The following ENOX1 variants were observed in gnomAD, a reference collection of about 807,000 sequenced individuals.
ENOX1 encodes ecto-NOX disulfide-thiol exchanger 1.
In ENOX1, 42 loss-of-function variants were observed where a neutral mutation model predicts 82.5. The observed-to-expected ratio is 0.51, with a 90% CI of 0.40 to 0.66. The LOEUF (loss-of-function observed/expected upper bound fraction) is 0.66. Among genes scored for constraint, ENOX1 ranks in the 30% least tolerant of loss-of-function variants. The pLI is 0.00. For missense variants in ENOX1, 608 were observed against 811.6 expected (o/e 0.75, Z 3.05); for synonymous variants, 271 against 282.2 (o/e 0.96, Z 0.40).
At chr13:43,716,383 A>G (rs535895205) in intron 1 of ENOX1, among the ~76,000 whole-genome samples, 1 of 152,204 alleles carries the variant, frequency 6.6e-6, no homozygotes, top group East Asian at 1.9e-4. Context: ...GGTGGCTCAG[A>G]TGGAAATGCA....
At chr13:43,441,676 G>C (rs1487831839) in intron 3 of ENOX1, among the ~76,000 whole-genome samples, 2 of 148,254 alleles carry the variant, frequency 1.3e-5, no homozygotes, top group South Asian at 2.1e-4. Flanking sequence ...GCGGCACTGC[G>C]GGTCTGCTGG....
chr13:43,465,711 T>C (rs1054805364), intron 3 of ENOX1, among the ~76,000 whole-genome samples: 2 of 152,200 alleles, frequency 1.3e-5, no homozygotes, highest in African/African-American at 4.8e-5. Context: ...TGTCTGTCCG[T>C]ATGCATATTT....
At chr13:43,493,762 T>TAATTA (rs1302202999) in intron 2 of ENOX1, among the ~76,000 whole-genome samples, 1 of 152,182 alleles carries the variant, frequency 6.6e-6, no homozygotes, top group Non-Finnish European at 1.5e-5. Context: ...GCTCAGTGCC[T>TAATTA]ACTGAAGCAC....
At chr13:43,726,532 A>T (rs1190819349) in intron 1 of ENOX1, among the ~76,000 whole-genome samples, 1 of 152,034 alleles carries the variant, frequency 6.6e-6, no homozygotes, top group Non-Finnish European at 1.5e-5. Context: ...TTTCAACTTT[A>T]ATCATTCATT....
chr13:43,546,966 C>G (rs1220985958), intron 2 of ENOX1: 1 of 152,226 alleles, frequency 6.6e-6, no homozygotes, highest in Non-Finnish European at 1.5e-5. Context: ...ATGGATAACG[C>G]AGGCAGGACT....
At chr13:43,287,531 A>G (rs1002379563) in intron 12 of ENOX1, among the ~76,000 whole-genome samples, 30 of 152,362 alleles carry the variant, frequency 2.0e-4, no homozygotes, top group African/African-American at 7.0e-4. Flanking sequence ...AAAGAAGTAC[A>G]GAAAACAAAC....
chr13:43,746,725 C>T (rs751942277), intron 1 of ENOX1, among the ~76,000 whole-genome samples: 9 of 151,644 alleles, frequency 5.9e-5, no homozygotes, highest in Non-Finnish European at 8.8e-5. Flanking sequence ...TAGTGGGTAA[C>T]GGTGAATAAA....
At chr13:43,566,722 A>C (rs1386204470) in intron 2 of ENOX1, among the ~76,000 whole-genome samples, 1 of 151,992 alleles carries the variant, frequency 6.6e-6, no homozygotes, top group East Asian at 1.9e-4. Flanking sequence ...GAGATGAATG[A>C]TTGTAAGATA....
intron 2 of ENOX1, among the ~76,000 whole-genome samples, chr13:43,610,388 G>A (rs1415775991): frequency 6.6e-6 from 1 of 152,104 alleles, no homozygotes; most frequent in East Asian, 1.9e-4. Context: ...GTCCAACTGA[G>A]ATTTGATCAT....
In ENOX1 at chr13:43,577,130, T is replaced by A. The variant is rs985234097; in HGVS notation, c.-219+90349A>T. 0.018 allele frequency among the ~76,000 whole-genome samples: 10 copies of A among 562 alleles called. No homozygotes were observed. The East Asian group carries it at 0.45, about 25-fold the overall frequency. The allele number at this position is 562 out of a possible 152,430, so 0.4% of individuals were successfully genotyped here. A position where few individuals can be genotyped will look rare whatever the true frequency, so the allele number is the denominator to read the frequency against. Reference sequence around the variant, plus strand: ...GTTCCTTTTAGAGTGATAAAAATATTTTTTTTTTTCTTTTTTTTTGAGACA... The same window carrying A: ...GTTCCTTTTAGAGTGATAAAAATATATTTTTTTTTCTTTTTTTTTGAGACA... On this transcript the variant is annotated intron_variant, in intron 2 of 16. Coordinates refer to ENST00000690772, the MANE Select transcript of ENOX1 (RefSeq NM_001347969.2).
chr13:43,308,063 A>G (rs2046969373), intron 11 of ENOX1, among the ~76,000 whole-genome samples: 1 of 152,220 alleles, frequency 6.6e-6, no homozygotes, highest in African/African-American at 2.4e-5. Flanking sequence ...ATGAGCAAAC[A>G]GTTCCTGTCT....
rs547367723 is a variant in ENOX1, at chr13:43,743,711, C to T, written c.-285+42941G>A. Among the ~76,000 whole-genome samples the T allele has an allele frequency of 1.5e-4, 23 of 152,256 alleles. No individual in the cohort carries two copies. The South Asian group carries it at 4.3e-3, about 29-fold the overall frequency. Reference sequence around the variant, plus strand: ...GAAATCACGAAGATCTCTCTTTCTGCGTAAAAATGGATGAATTTCTTCGGA... The same window carrying T: ...GAAATCACGAAGATCTCTCTTTCTGTGTAAAAATGGATGAATTTCTTCGGA... On this transcript the variant is annotated intron_variant, in intron 1 of 16. Coordinates refer to ENST00000690772, the MANE Select transcript of ENOX1 (RefSeq NM_001347969.2).
chr13:43,371,304 ATCTACT>A (rs1242610679), intron 5 of ENOX1, among the ~76,000 whole-genome samples: 1 of 152,206 alleles, frequency 6.6e-6, no homozygotes, highest in East Asian at 1.9e-4. Context: ...ATTTTTATAC[ATCTACT>A]TCTATCTTTC....
intron 3 of ENOX1, among the ~76,000 whole-genome samples, chr13:43,479,694 T>G (rs983009838): frequency 6.6e-6 from 1 of 152,154 alleles, no homozygotes; most frequent in East Asian, 1.9e-4. Context: ...TGCAATAGAA[T>G]GGAAAGAGAA....
intron 2 of ENOX1, among the ~76,000 whole-genome samples, chr13:43,600,704 C>A (rs572795618): frequency 6.6e-6 from 1 of 152,048 alleles, no homozygotes; most frequent in Non-Finnish European, 1.5e-5. Flanking sequence ...CACTGGTTAC[C>A]GCAGGCCTTC....
At chr13:43,604,920 A>G (rs2081910869) in intron 2 of ENOX1, among the ~76,000 whole-genome samples, 1 of 152,198 alleles carries the variant, frequency 6.6e-6, no homozygotes, top group African/African-American at 2.4e-5. Flanking sequence ...AAAGTTGAAG[A>G]ATACAAAATT....
intron 1 of ENOX1, among the ~76,000 whole-genome samples, chr13:43,776,933 G>A (rs1427655458): frequency 6.6e-6 from 1 of 152,202 alleles, no homozygotes; most frequent in Non-Finnish European, 1.5e-5. Flanking sequence ...AAAGCAGCCT[G>A]CAGGGGTGAG....
At chr13:43,439,541 T>C (rs1339024913) in intron 3 of ENOX1, among the ~76,000 whole-genome samples, 1 of 152,184 alleles carries the variant, frequency 6.6e-6, no homozygotes, top group Non-Finnish European at 1.5e-5. Context: ...TGTGATGTTA[T>C]AGTGTTCCTG....
At position 43,297,713 on chromosome 13, in the gene ENOX1, CA is replaced by C. The variant is rs2046354375; in HGVS notation, c.1446+632del. Among the ~76,000 whole-genome samples, 2 of 152,182 alleles carry C rather than the reference CA, an allele frequency of 1.3e-5. 1 individual carries two copies. The highest frequency in any genetic ancestry group is 1.3e-4 in the Admixed American group (2 of 15,274). ...CCCTCAACTTTCATTTCCTTTTTAA[CA>C]ATTGCCATAAATATACATCTTTAAA... is the stretch of plus-strand genomic sequence containing the variant. On this transcript the variant is annotated intron_variant, in intron 12 of 16. Coordinates refer to ENST00000690772, the MANE Select transcript of ENOX1 (RefSeq NM_001347969.2).
Sources: allele counts gnomAD v4.1 joint callset (sites outside exome capture counted in the v4.1 genomes callset), GRCh38; gene constraint gnomAD v4.1.1; transcripts MANE v1.5; gene names NCBI Gene and HGNC (gene_info 2026-07-23, HGNC 2026-07-21).